AP3B1: variants seen among roughly 807,000 people sequenced by gnomAD.
AP3B1 encodes the protein adaptor related protein complex 3 subunit beta 1.
In AP3B1, 61 loss-of-function variants were observed where a neutral mutation model predicts 132.5. The observed-to-expected ratio is 0.46, with a 90% CI of 0.37 to 0.57. The LOEUF is 0.57. Among genes scored for constraint, AP3B1 ranks in the 20% least tolerant of loss-of-function variants. The pLI, the probability that AP3B1 is intolerant of heterozygous loss-of-function variation, is 0.00. For missense variants in AP3B1, 1,120 were observed against 1,289.4 expected (o/e 0.87, Z 2.01); for synonymous variants, 388 against 438.3 (o/e 0.89, Z 1.43).
intron 14 of AP3B1, among the ~76,000 whole-genome samples, chr5:78,149,496 A>G (rs936841965): frequency 1.3e-5 from 2 of 152,202 alleles, no homozygotes; most frequent in Non-Finnish European, 2.9e-5. Flanking sequence ...AGGCAATAAG[A>G]AAGCTTACAA....
chr5:78,064,256 A>C (rs1283390582), intron 22 of AP3B1, among the ~76,000 whole-genome samples: 1 of 151,720 alleles, frequency 6.6e-6, no homozygotes, highest in Non-Finnish European at 1.5e-5. Context: ...ATGATTCCTT[A>C]AGAAGCATTA....
chr5:78,220,747 C>T (rs1746142952), intron 6 of AP3B1, among the ~76,000 whole-genome samples: 1 of 150,384 alleles, frequency 6.6e-6, no homozygotes, highest in African/African-American at 2.4e-5. Context: ...TGTGAAATAA[C>T]AGAAAAAAAG....
intron 3 of AP3B1, among the ~76,000 whole-genome samples, chr5:78,238,846 G>C (rs1746992713): frequency 6.6e-6 from 1 of 150,948 alleles, no homozygotes; most frequent in Non-Finnish European, 1.5e-5. Context: ...TTAAGTGTTA[G>C]CAAAATAGAC....
At chr5:78,096,118 C>T (rs1266653762) in intron 21 of AP3B1, among the ~76,000 whole-genome samples, 1 of 152,208 alleles carries the variant, frequency 6.6e-6, no homozygotes, top group African/African-American at 2.4e-5. Context: ...CTGCCTGATT[C>T]TCCTGCCTCA....
chr5:78,079,865 A>G (rs1749913943), intron 22 of AP3B1, among the ~76,000 whole-genome samples: 1 of 152,214 alleles, frequency 6.6e-6, no homozygotes, highest in Non-Finnish European at 1.5e-5. Flanking sequence ...CTGGCATCAG[A>G]GGTAACCAGA....
At chr5:78,153,225 G>C (rs191639720) in intron 14 of AP3B1, among the ~76,000 whole-genome samples, 1 of 152,232 alleles carries the variant, frequency 6.6e-6, no homozygotes, top group East Asian at 1.9e-4. Context: ...CTCCAGTGTT[G>C]AGTGCATATA....
At chr5:78,146,650 T>C (rs374396910) in intron 14 of AP3B1, among the ~76,000 whole-genome samples, 6 of 152,180 alleles carry the variant, frequency 3.9e-5, no homozygotes, top group Admixed American at 6.5e-5. Context: ...AAAATCAGCA[T>C]TGATCCCTCT....
At chr5:78,167,863 G>C (rs1398928472) in intron 11 of AP3B1, among the ~76,000 whole-genome samples, 1 of 151,938 alleles carries the variant, frequency 6.6e-6, no homozygotes, top group Non-Finnish European at 1.5e-5. Context: ...TGGGGGCTCA[G>C]GGGAAAGGGT....
chr5:78,131,190 C>G (rs1752672228), intron 15 of AP3B1, among the ~76,000 whole-genome samples: 1 of 151,740 alleles, frequency 6.6e-6, no homozygotes, highest in African/African-American at 2.4e-5. Flanking sequence ...TCAGTTTCTT[C>G]AGTGTATGTA....
chr5:78,097,590 C>T (rs1382368235), intron 21 of AP3B1, among the ~76,000 whole-genome samples: 11 of 134,356 alleles, frequency 8.2e-5, no homozygotes, highest in Admixed American at 1.5e-4. Flanking sequence ...CCAGCCGCCC[C>T]GTCCGGGAGG....
chr5:78,289,756 T>C (rs1267605194), intron 1 of AP3B1, among the ~76,000 whole-genome samples: 1 of 152,204 alleles, frequency 6.6e-6, no homozygotes, highest in African/African-American at 2.4e-5. Flanking sequence ...ATTCATACTT[T>C]ATATCCTGTT....
At chr5:78,154,957 G>A (rs540626723) in intron 14 of AP3B1, among the ~76,000 whole-genome samples, 28 of 152,220 alleles carry the variant, frequency 1.8e-4, no homozygotes, top group African/African-American at 6.0e-4. Flanking sequence ...GGCCCCTGAC[G>A]CCTTATGTAG....
Position 78,089,396 on chromosome 5 carries a change from G to C in AP3B1, c.2574C>G (p.Ile858Met). 2 of 1,603,092 alleles carry C rather than the reference G, an allele frequency of 1.2e-6. No homozygotes were observed. The highest frequency in any genetic ancestry group is 2.2e-5 in the East Asian group (1 of 44,714). ...GTGGATTTTAAAAATAACTTACACT[G>C]ATGACTGAAGAGGAAGTTGACAAGT... ...GLHLSTSSSV[I>M]SVSTPAFVPT... The change falls in exon 22 of 27, where the codon ATC becomes ATG. Residue 858 changes from isoleucine to methionine, a missense_variant. Physicochemically the swap from Ile to Met is conservative, Grantham distance 10 (BLOSUM62 1). This residue lies in a region of AP3B1 where 906 missense variants were observed against 997.1 expected (regional missense o/e 0.91). Coordinates refer to ENST00000255194, the MANE Select transcript of AP3B1 (RefSeq NM_003664.5).
intron 22 of AP3B1, among the ~76,000 whole-genome samples, chr5:78,048,683 A>G (rs1344428216): frequency 6.6e-6 from 1 of 152,230 alleles, no homozygotes; most frequent in Non-Finnish European, 1.5e-5. Context: ...AGAGACAGAG[A>G]AACTAGCTGG....
chr5:78,140,007 AATAG>A (rs1328354551), intron 15 of AP3B1, among the ~76,000 whole-genome samples: 1 of 152,166 alleles, frequency 6.6e-6, no homozygotes, highest in Non-Finnish European at 1.5e-5. Context: ...ATTAGAGAAA[AATAG>A]ATAGGACACA....
At chr5:78,096,938 C>T (rs1750839178) in intron 21 of AP3B1, among the ~76,000 whole-genome samples, 1 of 141,666 alleles carries the variant, frequency 7.1e-6, no homozygotes, top group African/African-American at 2.7e-5. Flanking sequence ...GTGAGGGGCG[C>T]CTCTGCCCAG....
chr5:78,192,142 G>A (rs1409935603), intron 7 of AP3B1, among the ~76,000 whole-genome samples: 2 of 151,634 alleles, frequency 1.3e-5, no homozygotes, highest in Non-Finnish European at 2.9e-5. Flanking sequence ...TTACAGGTGT[G>A]AGCCACTGCA....
intron 2 of AP3B1, among the ~76,000 whole-genome samples, chr5:78,266,150 TA>T (rs1198438784): frequency 6.0e-4 from 91 of 152,344 alleles, no homozygotes; most frequent in African/African-American, 2.1e-3. Flanking sequence ...GTTTGTACAT[TA>T]TCCAAGTACA....
chr5:78,114,210 C>A (rs181693251), intron 18 of AP3B1, among the ~76,000 whole-genome samples: 317 of 152,212 alleles, frequency 2.1e-3, no homozygotes, highest in African/African-American at 7.0e-3. Context: ...TCACTTCAAA[C>A]CCCAAAGTAT....
Sources: allele counts gnomAD v4.1 joint callset (sites outside exome capture counted in the v4.1 genomes callset), GRCh38; gene constraint gnomAD v4.1.1; regional missense constraint gnomAD v4.1.1; transcripts MANE v1.5; gene names NCBI Gene and HGNC (gene_info 2026-07-23, HGNC 2026-07-21).